POLE2: variants seen among roughly 807,000 people sequenced by gnomAD.
POLE2 encodes DNA polymerase epsilon subunit 2.
POLE2 carries 56 observed loss-of-function variants against 79.4 expected under a neutral mutation model. The observed-to-expected ratio is 0.71, with a 90% CI of 0.57 to 0.88. The LOEUF (loss-of-function observed/expected upper bound fraction) is 0.88, where lower values mean the gene tolerates loss of function less well. Ranked by LOEUF, POLE2 falls within the 40% of genes least tolerant of loss-of-function variation. POLE2 has a pLI of 0.00. For missense variants in POLE2, 598 were observed against 638.9 expected, an observed-to-expected ratio of 0.94 and a Z score of 0.69; for synonymous variants, 212 against 214.0, an observed-to-expected ratio of 0.99 and a Z score of 0.08.
intron 7 of POLE2, among the ~76,000 whole-genome samples, chr14:49,665,609 T>G (rs756578712): frequency 3.9e-5 from 6 of 152,062 alleles, no homozygotes; most frequent in Non-Finnish European, 8.8e-5. Context: ...TCCTGATGTC[T>G]TCTCAGGAAA....
Position 49,675,242 on chromosome 14 carries a change from G to A in POLE2, c.246-815C>T, listed in dbSNP as rs146296754. ...TGGGATTACAGGCATGCACCACCAC[G>A]CCCAGCTAATTTTGTATTTTTAACA... On this transcript the variant is annotated intron_variant, in intron 3 of 18. Transcript: ENST00000216367. Among the ~76,000 whole-genome samples the A allele has an allele frequency of 9.1e-3, 1,386 of 151,538 alleles. 21 individuals are homozygous for A. Among genetic ancestry groups the A allele is most frequent in the African/African-American group, 0.031 (1,298 of 41,282 alleles).
intron 3 of POLE2, chr14:49,677,369 G>T: frequency 2.0e-6 from 1 of 503,490 alleles, no homozygotes; most frequent in Non-Finnish European, 3.6e-6. Context: ...AGCTCCTGCT[G>T]GGTATCTACA....
At chr14:49,681,159 G>A (rs1594617427) in intron 2 of POLE2, 1 of 152,876 alleles carries the variant, frequency 6.5e-6, no homozygotes, top group South Asian at 2.0e-4. Context: ...CTATCCTCAG[G>A]GTGCTATAAA....
intron 18 of POLE2, among the ~76,000 whole-genome samples, chr14:49,644,461 G>C (rs949167929): frequency 1.3e-5 from 2 of 150,396 alleles, no homozygotes; most frequent in Admixed American, 6.6e-5. Context: ...AGTGAGCTGA[G>C]ATTGCGCCAT....
intron 10 of POLE2, among the ~76,000 whole-genome samples, chr14:49,662,355 T>C (rs1052066508): frequency 6.6e-6 from 1 of 152,248 alleles, no homozygotes; most frequent in South Asian, 2.1e-4. Context: ...TGGAGTACAG[T>C]GGTGCGATCT....
rs919373311 is a variant in POLE2 at position 49,688,195 on chromosome 14, C to T, written c.9G>A (p.Pro3=). The change falls in exon 1 of 19, where the codon CCG becomes CCA. Residue 3 remains proline (P), a synonymous_variant. Coordinates refer to ENST00000216367, the MANE Select transcript of POLE2 (RefSeq NM_002692.4). MA[P]ERLRSRALSA... ...AGAGCGCCCGGCTCCGCAGCCGCTC[C>T]GGCGCCATATTTGCGATTTGGCGCC... is the stretch of plus-strand genomic sequence containing the variant. 6.5e-7 allele frequency: 1 copy of T among 1,531,616 alleles called. No individual in the cohort carries two copies. 94.9% of individuals were successfully genotyped at this position (1,531,616 alleles called of 1,614,324 possible).
rs370944405 is a variant in POLE2 at position 49,661,363 on chromosome 14, C to T, written c.755+1952G>A. Among the ~76,000 whole-genome samples the T allele has an allele frequency of 9.9e-5, 15 of 152,262 alleles. 1 individual carries two copies. The South Asian group carries it at 3.1e-3, about 32-fold the overall frequency. ...ATTGTTATTGTTCCCACCAAGTGGA[C>T]CAACTGGCATTTTCAAAGGTACAGT... On this transcript the variant is annotated intron_variant, in intron 10 of 18. Transcript: ENST00000216367.
At chr14:49,649,776 T>G (rs995256337) in intron 17 of POLE2, among the ~76,000 whole-genome samples, 8 of 152,154 alleles carry the variant, frequency 5.3e-5, no homozygotes, top group African/African-American at 1.9e-4. Context: ...TCTGCAGAAA[T>G]TCTGAAGCAA....
intron 6 of POLE2, among the ~76,000 whole-genome samples, chr14:49,666,982 C>G (rs1209730162): frequency 6.6e-6 from 1 of 151,926 alleles, no homozygotes; most frequent in East Asian, 1.9e-4. Context: ...AGGCGGATCA[C>G]GAGGTCAGAA....
At chr14:49,661,565 T>A (rs533357234) in intron 10 of POLE2, among the ~76,000 whole-genome samples, 3 of 152,302 alleles carry the variant, frequency 2.0e-5, no homozygotes, top group South Asian at 4.1e-4. Flanking sequence ...AAAAAATTAT[T>A]TGCATTAACT....
rs138512077 is a variant in POLE2, at chr14:49,650,406, A to G, written c.1356T>C (p.Thr452=). The change falls in exon 17 of 19, where the codon ACT becomes ACC. Residue 452 remains threonine (T), a synonymous_variant. Transcript: ENST00000216367. ...CTGGGCAGACATAAAGAGGTAGGGG[A>G]GTCAGATGTCCTTGGGATAAGATAG... ...VKTILSQGHL[T]PLPLYVCPVY... 5 of 1,574,964 alleles carry G rather than the reference A, an allele frequency of 3.2e-6. No individual in the cohort carries two copies. In the African/African-American group the frequency reaches 6.8e-5, roughly 21 times the overall value.
intron 18 of POLE2, among the ~76,000 whole-genome samples, chr14:49,645,827 C>CT (rs753640356): frequency 6.6e-6 from 1 of 152,300 alleles, no homozygotes. Context: ...GAGAACAGGC[C>CT]TTGCCATGTT....
Position 49,663,377 on chromosome 14 carries a change from T to C in POLE2, c.693A>G (p.Glu231=). The change falls in exon 10 of 19, where the codon GAA becomes GAG. Residue 231 remains glutamate (E), a synonymous_variant. Coordinates refer to ENST00000216367, the MANE Select transcript of POLE2 (RefSeq NM_002692.4). ...AGGCATTGACATGAAACACTTGATCTTCAAACCAACCTGAAAAAAAGTAAC... is the reference window on the plus strand; with the variant it reads ...AGGCATTGACATGAAACACTTGATCCTCAAACCAACCTGAAAAAAAGTAAC... ...ACFVLAEGWF[E]DQVFHVNAFG... The C allele has an allele frequency of 6.2e-7, 1 of 1,609,382 alleles. No homozygotes were observed. The highest frequency in any genetic ancestry group is 1.3e-5 in the African/African-American group (1 of 74,882).
At position 49,674,538 on chromosome 14, in the gene POLE2, C is replaced by T. The variant is rs187456451; in HGVS notation, c.246-111G>A. 79 of 701,560 alleles carry T rather than the reference C, an allele frequency of 1.1e-4. No homozygotes were observed. The African/African-American group carries it at 1.2e-3, about 11-fold the overall frequency. The allele number at this position is 701,560 out of a possible 1,614,324, so 43.5% of individuals were successfully genotyped here. ...TGTAATAACACACTTTTCACATTTT[C>T]TCAGGCCAGGCACACAATTTCTTTT... On this transcript the variant is annotated intron_variant, in intron 3 of 18. Transcript: ENST00000216367.
intron 15 of POLE2, among the ~76,000 whole-genome samples, chr14:49,652,291 AAAAAAAAAAAAAAAAAAAAAG>A: frequency 7.8e-6 from 1 of 127,414 alleles, no homozygotes; most frequent in East Asian, 2.4e-4. Flanking sequence ...AAAAAAAAAA[AAAAAAAAAAAAAAAAAAAAAG>A]AATAGAATAC....
rs767957581 is a variant in POLE2 at position 49,688,124 on chromosome 14, G to A, written c.68+12C>T. 6.5e-6 allele frequency: 10 copies of A among 1,549,268 alleles called. No homozygotes were observed. The East Asian group carries it at 1.0e-4, about 16-fold the overall frequency. ...TTCCCTCTCGCCCTTCAAGCTGCCC[G>A]AGCCCACTCACCCACGGAGCAGCAA... On this transcript the variant is annotated intron_variant, in intron 1 of 18. Coordinates refer to ENST00000216367, the MANE Select transcript of POLE2 (RefSeq NM_002692.4).
At chr14:49,657,438 T>A (rs1284718727) in intron 10 of POLE2, among the ~76,000 whole-genome samples, 1 of 151,870 alleles carries the variant, frequency 6.6e-6, no homozygotes, top group South Asian at 2.1e-4. Flanking sequence ...CCTTTTTTTT[T>A]TTTTTCTTTT....
chr14:49,682,296 T>C (rs748334372), intron 2 of POLE2, among the ~76,000 whole-genome samples: 1 of 145,926 alleles, frequency 6.9e-6, no homozygotes, highest in Non-Finnish European at 1.5e-5. Context: ...TTAGCCACCA[T>C]GCCTGGCCCC....
chr14:49,658,134 T>C (rs1269564373), intron 10 of POLE2, among the ~76,000 whole-genome samples: 1 of 151,592 alleles, frequency 6.6e-6, no homozygotes, highest in Non-Finnish European at 1.5e-5. Flanking sequence ...TGGAGTGCAA[T>C]GGCATGATCT....
Sources: allele counts gnomAD v4.1 joint callset (sites outside exome capture counted in the v4.1 genomes callset), GRCh38; gene constraint gnomAD v4.1.1; transcripts MANE v1.5; gene names NCBI Gene and HGNC (gene_info 2026-07-23, HGNC 2026-07-21).